MAP3K3: variants seen among roughly 807,000 people sequenced by gnomAD.
The protein encoded by MAP3K3 is MAP/ERK kinase kinase 3.
MAP3K3 carries 12 observed loss-of-function variants against 80.9 expected under a neutral mutation model. The ratio of observed to expected loss-of-function variants is 0.15; its 90% CI spans 0.10 to 0.24. The LOEUF is 0.24. Ranked by LOEUF, MAP3K3 falls within the 10% of genes least tolerant of loss-of-function variation. The pLI, the probability that MAP3K3 is intolerant of heterozygous loss-of-function variation, is 1.00. For synonymous variants in MAP3K3, 272 were observed against 307.1 expected, an observed-to-expected ratio of 0.89 and a Z score of 1.19; for missense variants, 596 against 834.7, an observed-to-expected ratio of 0.71 and a Z score of 3.52.
chr17:63,683,369 C>G (rs879377875), intron 7 of MAP3K3, among the ~76,000 whole-genome samples: 5 of 152,156 alleles, frequency 3.3e-5, no homozygotes, highest in Non-Finnish European at 7.4e-5. Context: ...TTTCTCTAAC[C>G]AGGGCACTTC....
Position 63,666,338 on chromosome 17 carries a change from AACAT to A in MAP3K3, c.382-596_382-593del, listed in dbSNP as rs2034999689. Among the ~76,000 whole-genome samples the A allele has an allele frequency of 5.9e-5, 9 of 152,282 alleles. No homozygotes were observed. The South Asian group carries it at 1.9e-3, about 32-fold the overall frequency. ...AAAGAAGCAAATTGAGCTACTTTTAAACATACATATATAAGCTGGGCATGGTAGC... is the reference window on the plus strand; with the variant it reads ...AAAGAAGCAAATTGAGCTACTTTTAAACATATATAAGCTGGGCATGGTAGC... On this transcript the variant is annotated intron_variant, in intron 5 of 15. Coordinates refer to ENST00000361733, the MANE Select transcript of MAP3K3 (RefSeq NM_002401.5).
intron 1 of MAP3K3, among the ~76,000 whole-genome samples, chr17:63,623,465 T>C (rs138328168): frequency 3.3e-5 from 5 of 152,352 alleles, no homozygotes; most frequent in African/African-American, 1.2e-4. Context: ...ATCCATTATT[T>C]TTTTCTTGCG....
At chr17:63,686,732 G>A (rs920610745) in intron 8 of MAP3K3, among the ~76,000 whole-genome samples, 2 of 152,150 alleles carry the variant, frequency 1.3e-5, no homozygotes, top group East Asian at 1.9e-4. Context: ...AAATTTACCC[G>A]CCTCTCTATT....
Position 63,661,963 on chromosome 17 carries a change from C to T in MAP3K3, c.381+4056C>T, listed in dbSNP as rs901120807. On this transcript the variant is annotated intron_variant, in intron 5 of 15. Transcript: ENST00000361733. ...TAAAAAATACAAAAAATTAGCTGGG[C>T]GTGGTGGCAGGTGCCTGTAGTCCCA... Among the ~76,000 whole-genome samples the T allele has an allele frequency of 7.9e-4, 120 of 152,056 alleles. 1 individual carries two copies. The highest frequency in any genetic ancestry group is 3.4e-3 in the Middle Eastern group (1 of 294).
At chr17:63,643,632 A>G (rs1030232547) in intron 2 of MAP3K3, among the ~76,000 whole-genome samples, 14 of 152,204 alleles carry the variant, frequency 9.2e-5, no homozygotes, top group African/African-American at 3.1e-4. Flanking sequence ...AAAATTTATT[A>G]ATTAAAATAA....
chr17:63,664,485 T>G (rs2034961879), intron 5 of MAP3K3, among the ~76,000 whole-genome samples: 1 of 152,162 alleles, frequency 6.6e-6, no homozygotes, highest in South Asian at 2.1e-4. Context: ...CTCTCCCTGC[T>G]TCACCTCTTC....
chr17:63,650,135 T>C (rs753532238), intron 3 of MAP3K3, among the ~76,000 whole-genome samples: 3 of 152,232 alleles, frequency 2.0e-5, no homozygotes, highest in Non-Finnish European at 4.4e-5. Flanking sequence ...TCCAGTCACA[T>C]TGGGCATCTT....
At chr17:63,649,558 A>C (rs930455305) in intron 3 of MAP3K3, among the ~76,000 whole-genome samples, 1 of 152,150 alleles carries the variant, frequency 6.6e-6, no homozygotes, top group Non-Finnish European at 1.5e-5. Flanking sequence ...TGCCTGGGAC[A>C]ACAGGCACAC....
chr17:63,637,507 TAGAC>T (rs140554335), intron 2 of MAP3K3, among the ~76,000 whole-genome samples: 41 of 152,350 alleles, frequency 2.7e-4, no homozygotes, highest in African/African-American at 9.6e-4. Context: ...TGTAAGATCA[TAGAC>T]AGAATGTGAA....
In MAP3K3 at chr17:63,657,913, T is replaced by G; in HGVS notation, c.381+6T>G. The G allele has an allele frequency of 6.7e-7, 1 of 1,498,860 alleles. No individual in the cohort carries two copies. The allele number at this position is 1,498,860 out of a possible 1,614,324, so 92.8% of individuals were successfully genotyped here. On this transcript the variant is annotated splice_donor_region_variant and intron_variant, in intron 5 of 15. Transcript: ENST00000361733. ...TGTCCCAGGACAGAAACCATGTAAG[T>G]AGCCCTTGTCATGGTCTGGCAGCTG...
chr17:63,655,699 G>A (rs889267722), intron 4 of MAP3K3, among the ~76,000 whole-genome samples: 4 of 151,956 alleles, frequency 2.6e-5, no homozygotes, highest in African/African-American at 9.7e-5. Context: ...TCACTATTTT[G>A]CCCAGGCTGG....
In MAP3K3 at chr17:63,691,590, G is replaced by T; in HGVS notation, c.1345-143G>T. ...GGGTACTCTCTTTTCCAAACTGCCT[G>T]ACAGCTCCTGGCAAAATGCCCTGCC... On this transcript the variant is annotated intron_variant, in intron 13 of 15. Transcript: ENST00000361733. The surrounding 1 kb of genome is among the most constrained non-coding windows in gnomAD (Gnocchi z 4.8). 1.6e-6 allele frequency: 2 copies of T among 1,242,782 alleles called. No individual in the cohort carries two copies. The highest frequency in any genetic ancestry group is 2.9e-5 in the South Asian group (2 of 69,434). 77.0% of individuals were successfully genotyped at this position (1,242,782 alleles called of 1,614,324 possible).
In MAP3K3 at chr17:63,652,565, C is replaced by T. The variant is rs531230584; in HGVS notation, c.176C>T (p.Ala59Val). The part of the protein sequence containing the change: ...FEHNGERRII[A>V]FSRPVKYEDV... ...TTTCTGTTTCTTTTCAGAATTATAGCGTTCAGCCGGCCTGTGAAATATGAA... is the reference window on the plus strand; with the variant it reads ...TTTCTGTTTCTTTTCAGAATTATAGTGTTCAGCCGGCCTGTGAAATATGAA... Residue 59 changes from alanine (A) to valine (V), a missense_variant, in exon 4 of 16, where the codon GCG (alanine) becomes GTG (valine). Ala to Val is a moderately conservative substitution (Grantham distance 64). Coordinates refer to ENST00000361733, the MANE Select transcript of MAP3K3 (RefSeq NM_002401.5). The T allele has an allele frequency of 4.9e-5, 79 of 1,611,844 alleles. No individual in the cohort carries two copies. In the South Asian group the frequency reaches 7.4e-4, roughly 15 times the overall value.
At chr17:63,675,928 C>G (rs1231882871) in intron 6 of MAP3K3, among the ~76,000 whole-genome samples, 1 of 152,218 alleles carries the variant, frequency 6.6e-6, no homozygotes, top group African/African-American at 2.4e-5. Context: ...GTCCAGTATC[C>G]TATCCTGTTT....
chr17:63,627,745 A>G (rs1007482362), intron 1 of MAP3K3, among the ~76,000 whole-genome samples: 1 of 151,088 alleles, frequency 6.6e-6, no homozygotes, highest in Non-Finnish European at 1.5e-5. Context: ...CCTGGCCATG[A>G]CTAATTTTTT....
chr17:63,646,501 G>C (rs1364966209), intron 3 of MAP3K3, among the ~76,000 whole-genome samples: 2 of 152,170 alleles, frequency 1.3e-5, no homozygotes, highest in Non-Finnish European at 2.9e-5. Context: ...TCAAGGGTCA[G>C]GTTGGTGAAT....
At chr17:63,637,716 G>A (rs2034358848) in intron 2 of MAP3K3, among the ~76,000 whole-genome samples, 1 of 152,110 alleles carries the variant, frequency 6.6e-6, no homozygotes, top group South Asian at 2.1e-4. Flanking sequence ...GATGATCTTT[G>A]CAAATTTCTG....
In MAP3K3 at chr17:63,693,686, G is replaced by A. The variant is rs1352214077; in HGVS notation, c.1790G>A (p.Arg597Gln). ...QLPSHISEHGRDFLRRIFVEA... is the reference protein window; with the variant it reads ...QLPSHISEHGQDFLRRIFVEA... ...CCCTCCCACATCTCTGAACATGGCC[G>A]GGACTTCCTGAGGCGCATTTTTGTG... Residue 597 changes from arginine to glutamine, a missense_variant, in exon 16 of 16, where the codon CGG (arginine) becomes CAG (glutamine). Arg to Gln is a conservative substitution (Grantham distance 43). Around this residue, in one of 2 missense-constraint regions of MAP3K3, gnomAD observed 364 missense variants for 588.9 expected, o/e 0.62. Transcript: ENST00000361733. This position sits in a 1 kb window ranked among gnomAD's most constrained non-coding sequence, Gnocchi z 4.2. The A allele has an allele frequency of 2.5e-5, 40 of 1,607,338 alleles. No individual in the cohort carries two copies. The highest frequency in any genetic ancestry group is 3.3e-5 in the South Asian group (3 of 90,594).
chr17:63,665,160 T>C (rs2034974766), intron 5 of MAP3K3, among the ~76,000 whole-genome samples: 1 of 151,936 alleles, frequency 6.6e-6, no homozygotes, highest in African/African-American at 2.4e-5. Context: ...AAAAATTAGC[T>C]GGGCGTGGTG....
Sources: allele counts gnomAD v4.1 joint callset (sites outside exome capture counted in the v4.1 genomes callset), GRCh38; gene constraint gnomAD v4.1.1; regional missense constraint gnomAD v4.1.1; non-coding constraint Gnocchi (gnomAD v3.1); transcripts MANE v1.5; gene names NCBI Gene and HGNC (gene_info 2026-07-23, HGNC 2026-07-21).